Variants in KCNJ3 observed in about 807,000 individuals in gnomAD.
KCNJ3 encodes potassium inwardly rectifying channel subfamily J member 3.
In KCNJ3, 4 loss-of-function variants were observed where a neutral mutation model predicts 39.2. The ratio of observed to expected loss-of-function variants is 0.10; its 90% confidence interval spans 0.05 to 0.23. KCNJ3 has a LOEUF of 0.23. Among genes scored for constraint, KCNJ3 ranks in the 10% least tolerant of loss-of-function variants. The probability of loss-of-function intolerance (pLI) is 1.00; values close to 1 mark genes in which losing one functional copy is unlikely to be tolerated. For missense variants in KCNJ3, 276 were observed against 634.9 expected (o/e 0.43, Z 6.08); for synonymous variants, 230 against 237.4 (o/e 0.97, Z 0.29).
rs115822925 is a variant in KCNJ3, at chr2:154,737,311, G to C, written c.919+27492G>C. 4.5e-3 allele frequency among the ~76,000 whole-genome samples: 678 copies of C among 152,236 alleles called. 7 individuals are homozygous for C. Among genetic ancestry groups the C allele is most frequent in the African/African-American group, 0.015 (635 of 41,554 alleles). ...TCTGCTTAAAAAGGTTTAAAAGTAAGATTTGAAAAAGTGAAACTGTTTACA... is the reference window on the plus strand; with the variant it reads ...TCTGCTTAAAAAGGTTTAAAAGTAACATTTGAAAAAGTGAAACTGTTTACA... On this transcript the variant is annotated intron_variant, in intron 2 of 2. Transcript: ENST00000295101.
chr2:154,759,248 T>G (rs1019767936), intron 2 of KCNJ3, among the ~76,000 whole-genome samples: 1 of 152,182 alleles, frequency 6.6e-6, no homozygotes, highest in African/African-American at 2.4e-5. Context: ...TTATTATTTT[T>G]GTGTGTGTAG....
At chr2:154,832,627 A>AAAAG (rs1301677165) in intron 2 of KCNJ3, among the ~76,000 whole-genome samples, 1 of 152,202 alleles carries the variant, frequency 6.6e-6, no homozygotes, top group Non-Finnish European at 1.5e-5. Context: ...AAGCAGTTAT[A>AAAAG]AAAGAGTATG....
intron 2 of KCNJ3, among the ~76,000 whole-genome samples, chr2:154,736,487 CAACAAA>C (rs1408195599): frequency 2.8e-5 from 4 of 141,796 alleles, no homozygotes; most frequent in East Asian, 2.2e-4. Context: ...TATGCTAAAA[CAACAAA>C]AACAAAAACA....
At chr2:154,838,228 A>C (rs1234319287) in intron 2 of KCNJ3, among the ~76,000 whole-genome samples, 1 of 152,204 alleles carries the variant, frequency 6.6e-6, no homozygotes, top group Non-Finnish European at 1.5e-5. Context: ...GAGAGATGGA[A>C]GAGGACATGC....
intron 1 of KCNJ3, among the ~76,000 whole-genome samples, chr2:154,705,994 AT>A (rs1161727503): frequency 6.6e-6 from 1 of 152,082 alleles, no homozygotes; most frequent in East Asian, 1.9e-4. Flanking sequence ...AGAATTAATC[AT>A]TTTTATTCAC....
chr2:154,840,513 A>AAATT (rs1687556847), intron 2 of KCNJ3, among the ~76,000 whole-genome samples: 1 of 152,172 alleles, frequency 6.6e-6, no homozygotes, highest in Non-Finnish European at 1.5e-5. Context: ...TTTAATCTAT[A>AAATT]AATTACTTTG....
At chr2:154,852,494 G>A (rs1477004571) in intron 2 of KCNJ3, among the ~76,000 whole-genome samples, 1 of 152,056 alleles carries the variant, frequency 6.6e-6, no homozygotes, top group African/African-American at 2.4e-5. Context: ...TTAATGTCTT[G>A]GATGGGAAAG....
At chr2:154,819,218 A>T (rs1687130264) in intron 2 of KCNJ3, among the ~76,000 whole-genome samples, 1 of 152,112 alleles carries the variant, frequency 6.6e-6, no homozygotes, top group African/African-American at 2.4e-5. Flanking sequence ...AGAGGCTGAA[A>T]TGGGCCCAGA....
intron 2 of KCNJ3, among the ~76,000 whole-genome samples, chr2:154,767,649 G>A (rs1037376759): frequency 2.6e-5 from 4 of 152,170 alleles, no homozygotes; most frequent in African/African-American, 4.8e-5. Flanking sequence ...ATAAACATAC[G>A]TGTGCATGTG....
At chr2:154,729,831 G>A (rs1011944400) in intron 2 of KCNJ3, among the ~76,000 whole-genome samples, 2 of 152,092 alleles carry the variant, frequency 1.3e-5, no homozygotes, top group South Asian at 2.1e-4. Flanking sequence ...ACTTTATATC[G>A]GAAAGCTGGG....
At chr2:154,832,014 G>A (rs1229698793) in intron 2 of KCNJ3, among the ~76,000 whole-genome samples, 1 of 152,086 alleles carries the variant, frequency 6.6e-6, no homozygotes, top group Non-Finnish European at 1.5e-5. Context: ...GACAAAGGAA[G>A]CAAGAGAGAG....
intron 2 of KCNJ3, among the ~76,000 whole-genome samples, chr2:154,851,626 T>A (rs1687756959): frequency 6.6e-6 from 1 of 152,228 alleles, no homozygotes; most frequent in East Asian, 1.9e-4. Context: ...ATATTTCAGA[T>A]GTTGCCTCAC....
intron 2 of KCNJ3, among the ~76,000 whole-genome samples, chr2:154,793,702 T>C (rs1686674495): frequency 6.6e-6 from 1 of 152,062 alleles, no homozygotes; most frequent in Non-Finnish European, 1.5e-5. Context: ...TAAACACACA[T>C]ACACACATAA....
chr2:154,797,296 C>T (rs753793401), intron 2 of KCNJ3, among the ~76,000 whole-genome samples: 2 of 152,046 alleles, frequency 1.3e-5, no homozygotes, highest in Non-Finnish European at 2.9e-5. Flanking sequence ...TGATATGAAC[C>T]TTAAATTAGA....
chr2:154,759,436 T>C (rs1685998963), intron 2 of KCNJ3, among the ~76,000 whole-genome samples: 1 of 151,988 alleles, frequency 6.6e-6, no homozygotes. Context: ...ATTGGTAAAA[T>C]ATATTTCAAA....
intron 2 of KCNJ3, among the ~76,000 whole-genome samples, chr2:154,772,114 A>G (rs1425492225): frequency 6.6e-6 from 1 of 152,232 alleles, no homozygotes; most frequent in Admixed American, 6.5e-5. Context: ...ATACTGAGAA[A>G]GATGACTGAC....
intron 2 of KCNJ3, among the ~76,000 whole-genome samples, chr2:154,842,329 G>GTAGAT (rs770813157): frequency 1.5e-3 from 235 of 152,144 alleles, no homozygotes; most frequent in Non-Finnish European, 2.9e-3. Flanking sequence ...TTCTGTTCTT[G>GTAGAT]TAGATTTGCT....
chr2:154,746,474 T>C (rs1685744584), intron 2 of KCNJ3, among the ~76,000 whole-genome samples: 1 of 151,620 alleles, frequency 6.6e-6, no homozygotes, highest in Non-Finnish European at 1.5e-5. Context: ...TTATACTATA[T>C]TGATTTTTAT....
At position 154,699,986 on chromosome 2, in the gene KCNJ3, C is replaced by T. The variant is rs980938699; in HGVS notation, c.702+509C>T. Among the ~76,000 whole-genome samples, 2 of 151,996 alleles carry T rather than the reference C, an allele frequency of 1.3e-5. No individual in the cohort carries two copies. Among genetic ancestry groups the T allele is most frequent in the African/African-American group, 2.4e-5 (1 of 41,370 alleles). The stretch of plus-strand genomic sequence containing the variant: ...TTTTCCCCCTAATAATATTAGGAGG[C>T]GGATTACTCCTCTGGACCCAATGAC... On this transcript the variant is annotated intron_variant, in intron 1 of 2. Transcript: ENST00000295101. This position sits in a 1 kb window ranked among gnomAD's most constrained non-coding sequence, Gnocchi z 6.4.
Sources: allele counts gnomAD v4.1 joint callset (sites outside exome capture counted in the v4.1 genomes callset), GRCh38; gene constraint gnomAD v4.1.1; non-coding constraint Gnocchi (gnomAD v3.1); transcripts MANE v1.5; gene names NCBI Gene and HGNC (gene_info 2026-07-23, HGNC 2026-07-21).